The following ZZEF1 variants were observed in gnomAD, a reference collection of about 807,000 sequenced individuals.
ZZEF1 encodes zinc finger ZZ-type and EF-hand domain-containing protein 1.
ZZEF1 carries 157 observed loss-of-function variants against 342.8 expected under a neutral mutation model. The ratio of observed to expected loss-of-function variants is 0.46; its 90% CI spans 0.40 to 0.52. The LOEUF (loss-of-function observed/expected upper bound fraction) is 0.52, where lower values mean the gene tolerates loss of function less well. ZZEF1 is among the 20% of genes least tolerant of loss of function. ZZEF1 has a pLI of 0.00. For missense variants in ZZEF1, 3,480 were observed against 3,725.6 expected, an observed-to-expected ratio of 0.93 and a Z score of 1.72; for synonymous variants, 1,505 against 1,429.1, an observed-to-expected ratio of 1.05 and a Z score of -1.20.
rs1158584480 is a variant in ZZEF1, at chr17:4,013,509, C to T, written c.8519G>A (p.Gly2840Asp). ...WLVGVACRQT[G>D]HQRLKAIHLL... ...GTGGATGGCTTTTAATCGTTGATGG[C>T]CAGTCTGGCGACAGGCCACGCCCAC... The change falls in exon 52 of 55, where the codon GGC (glycine) becomes GAC (aspartate). Residue 2840 changes from glycine (G) to aspartate (D), a missense_variant. Physicochemically the swap from Gly to Asp is moderately conservative, Grantham distance 94. Transcript: ENST00000381638. The T allele has an allele frequency of 6.2e-7, 1 of 1,613,844 alleles. No individual in the cohort carries two copies. Among genetic ancestry groups the T allele is most frequent in the Non-Finnish European group, 8.5e-7 (1 of 1,179,908 alleles).
Position 4,105,827 on chromosome 17 carries a change from AAAATGT to A in ZZEF1, c.1278-24_1278-19del. 1 of 1,586,364 alleles carries A rather than the reference AAAATGT, an allele frequency of 6.3e-7. No individual in the cohort carries two copies. Among genetic ancestry groups the A allele is most frequent in the Non-Finnish European group, 8.6e-7 (1 of 1,168,742 alleles). The stretch of plus-strand genomic sequence containing the variant: ...GCGCCTTCCTAGAAGAGGAAAATGT[AAAATGT>A]AATCAGAACAAAACCAGACCGAATT... On this transcript the variant is annotated intron_variant, in intron 6 of 54. Transcript: ENST00000381638.
chr17:4,059,424 C>T (rs2057238064), intron 30 of ZZEF1, 134 bp from the exon 31 acceptor site: 1 of 1,073,890 alleles, frequency 9.3e-7, no homozygotes, highest in Non-Finnish European at 1.3e-6. Context: ...TAAGTAAATA[C>T]AAATATAATA....
At position 4,013,566 on chromosome 17, in the gene ZZEF1, T is replaced by G; in HGVS notation, c.8462A>C (p.His2821Pro). The change falls in exon 52 of 55, where the codon CAT becomes CCT. Residue 2821 changes from histidine to proline, a missense_variant. This residue lies in a region of ZZEF1 where 1,269 missense variants were observed against 1,342.4 expected (regional missense o/e 0.95). Coordinates refer to ENST00000381638, the MANE Select transcript of ZZEF1 (RefSeq NM_015113.4). ...TTCCCAAATTTTTGCCAATGGGAGA[T>G]GAGGCACGACCCTTTCTTCTGACAA... ...QMLSEERVVP[H>P]LPLAKIWEWL... 6.2e-7 allele frequency: 1 copy of G among 1,614,140 alleles called. No homozygotes were observed. Among genetic ancestry groups the G allele is most frequent in the Non-Finnish European group, 8.5e-7 (1 of 1,180,004 alleles).
At chr17:4,095,699 G>T in intron 11 of ZZEF1, 132 bp downstream of exon 11, 1 of 912,024 alleles carries the variant, frequency 1.1e-6, no homozygotes, top group Non-Finnish European at 1.6e-6. Context: ...TGGCCACTGA[G>T]ATGGATTAGT....
intron 18 of ZZEF1, 110 bp downstream of exon 18, chr17:4,081,266 A>T (rs1407577906): frequency 2.8e-5 from 26 of 912,770 alleles, no homozygotes; most frequent in Middle Eastern, 3.5e-4. Context: ...AAAAAACCAC[A>T]ACAAAGTACA....
At position 4,114,322 on chromosome 17, in the gene ZZEF1, G is replaced by A. The variant is rs147981546; in HGVS notation, c.843C>T (p.Gly281=). The A allele has an allele frequency of 5.6e-6, 9 of 1,606,160 alleles. No homozygotes were observed. The highest frequency in any genetic ancestry group is 7.6e-6 in the Non-Finnish European group (9 of 1,176,892). The change falls in exon 4 of 55, where the codon GGC becomes GGT. Residue 281 remains glycine, a synonymous_variant. Coordinates refer to ENST00000381638, the MANE Select transcript of ZZEF1 (RefSeq NM_015113.4). ...ACCGAATCCAGTGTGAACAGGCACT[G>A]CCATCTGACTGCCAGTAGGATGAGG... is the stretch of plus-strand genomic sequence containing the variant. ...GETSSYWQSD[G]SACSHWIRLK... is the part of the protein sequence containing the mutation.
In ZZEF1 at chr17:4,090,792, G is replaced by A; in HGVS notation, c.1952C>T (p.Pro651Leu). The A allele has an allele frequency of 6.2e-7, 1 of 1,614,086 alleles. No homozygotes were observed. Among genetic ancestry groups the A allele is most frequent in the Non-Finnish European group, 8.5e-7 (1 of 1,180,014 alleles). The change falls in exon 12 of 55, where the codon CCT (proline) becomes CTT (leucine). Residue 651 changes from proline to leucine, a missense_variant. Physicochemically the swap from Pro to Leu is moderately conservative, Grantham distance 98 (BLOSUM62 -3). This residue lies in a region of ZZEF1 where 1,528 missense variants were observed against 1,624.1 expected (regional missense o/e 0.94). Transcript: ENST00000381638. ...TTCTTCCAGTTCAAACCAGCCAATA[G>A]GATCATCCTCTCCAAGGTCATCAGA... ...CSSDDLGEDD[P>L]IGWFELEEEW...
chr17:4,109,405 T>C (rs548424712), intron 6 of ZZEF1, among the ~76,000 whole-genome samples: 1 of 152,266 alleles, frequency 6.6e-6, no homozygotes, highest in East Asian at 1.9e-4. Flanking sequence ...AAGAACACTG[T>C]AGGAACTGTG....
chr17:4,130,889 G>A (rs968880805), intron 1 of ZZEF1, among the ~76,000 whole-genome samples: 3 of 152,088 alleles, frequency 2.0e-5, no homozygotes, highest in Non-Finnish European at 2.9e-5. Flanking sequence ...CTACTTCCAG[G>A]GAGAAGAAAC....
intron 24 of ZZEF1, among the ~76,000 whole-genome samples, chr17:4,073,458 GTC>G (rs780620370): frequency 1.3e-5 from 2 of 152,176 alleles, no homozygotes; most frequent in Non-Finnish European, 2.9e-5. Context: ...AGAGACAAGA[GTC>G]TCTCTCTGTT....
At chr17:4,089,595 C>T (rs2057906977) in intron 12 of ZZEF1, among the ~76,000 whole-genome samples, 1 of 142,390 alleles carries the variant, frequency 7.0e-6, no homozygotes, top group African/African-American at 2.6e-5. Flanking sequence ...TCACTATTCT[C>T]TCAGCCTGAG....
intron 24 of ZZEF1, among the ~76,000 whole-genome samples, 189 bp downstream of exon 24, chr17:4,073,961 A>G (rs546074077): frequency 2.2e-4 from 33 of 152,276 alleles, no homozygotes; most frequent in Admixed American, 5.2e-4. Context: ...GCTATGTTCC[A>G]AAGTCTAAGG....
In ZZEF1 at chr17:4,058,153, G is replaced by C; in HGVS notation, c.5006C>G (p.Ser1669Cys). The change falls in exon 32 of 55, where the codon TCC becomes TGC. Residue 1669 changes from serine (S) to cysteine (C), a missense_variant and splice_region_variant. Ser to Cys is a moderately radical substitution (Grantham distance 112). Around this residue, in one of 5 missense-constraint regions of ZZEF1, gnomAD observed 1,528 missense variants for 1,624.1 expected, o/e 0.94. Coordinates refer to ENST00000381638, the MANE Select transcript of ZZEF1 (RefSeq NM_015113.4). ...VKGFSSLNDR[S>C]LLPALSCVQT... is the part of the protein sequence containing the mutation. ...AACACAGGATAAGGCAGGGAGCAAG[G>C]ACCTAAAGGGCCATGAAAGTGACCA... 1 of 1,611,846 alleles carries C rather than the reference G, an allele frequency of 6.2e-7. No individual in the cohort carries two copies. Among genetic ancestry groups the C allele is most frequent in the Non-Finnish European group, 8.5e-7 (1 of 1,178,882 alleles).
chr17:4,088,734 CACAG>C lies in ZZEF1; in HGVS notation c.2181_2184del (p.Cys728GlyfsTer27). The C allele has an allele frequency of 6.2e-7, 1 of 1,614,214 alleles. No homozygotes were observed. The highest frequency in any genetic ancestry group is 8.5e-7 in the Non-Finnish European group (1 of 1,180,036). ...AGGGTCCTGAGGAGCAACGTGGCCC[CACAG>C]ACACTCTCCTCTGTGTCCTTTCTGC... On this transcript the variant is annotated frameshift_variant, in exon 13 of 55. Transcript: ENST00000381638. LOFTEE classifies it high-confidence loss of function.
rs1201251457 is a variant in ZZEF1, at chr17:4,111,748, T to A, written c.1066+861A>T. Among the ~76,000 whole-genome samples the A allele has an allele frequency of 6.9e-5, 9 of 129,648 alleles. No individual in the cohort carries two copies. The South Asian group carries it at 1.2e-3, about 17-fold the overall frequency. 85.1% of individuals were successfully genotyped at this position (129,648 alleles called of 152,430 possible). On this transcript the variant is annotated intron_variant, in intron 5 of 54. Coordinates refer to ENST00000381638, the MANE Select transcript of ZZEF1 (RefSeq NM_015113.4). ...GTATAAACATATATAAAAACATATT[T>A]TATATATATGTTTATATATATATAT...
At chr17:4,065,757 T>C (rs1303050102) in intron 28 of ZZEF1, among the ~76,000 whole-genome samples, 1 of 152,176 alleles carries the variant, frequency 6.6e-6, no homozygotes, top group Admixed American at 6.5e-5. Context: ...TATATGAGTT[T>C]TAAAAAATAA....
Position 4,109,645 on chromosome 17 carries a change from T to C in ZZEF1, c.1277+8A>G. On this transcript the variant is annotated splice_region_variant and intron_variant, in intron 6 of 54. Coordinates refer to ENST00000381638, the MANE Select transcript of ZZEF1 (RefSeq NM_015113.4). ...TGAGGGGGCTGGAACATAGAGAGAA[T>C]GACTTACTGAGTATTGTGCAGCACT... 6.2e-7 allele frequency: 1 copy of C among 1,613,930 alleles called. No homozygotes were observed.
At chr17:4,042,036 T>C (rs1249084040) in intron 39 of ZZEF1, among the ~76,000 whole-genome samples, 1 of 152,144 alleles carries the variant, frequency 6.6e-6, no homozygotes, top group African/African-American at 2.4e-5. Context: ...GAGAGAAGTA[T>C]TGAGGGTGAA....
chr17:4,142,757 C>T lies in ZZEF1; in HGVS notation c.139G>A (p.Ala47Thr), dbSNP rs1471815557. ...CTGGCCGGCTCCAGCAGCGCCGCGG[C>T]GGGTGGTAGCGCTGGAGCCGCGACG... Reference protein sequence around the residue: ...PGVAAPALPPAAALLEPARLR... With the variant: ...PGVAAPALPPTAALLEPARLR... Residue 47 changes from alanine to threonine, a missense_variant, in exon 1 of 55, where the codon GCC becomes ACC. By Grantham distance (58) the Ala-to-Thr change is moderately conservative (BLOSUM62 0). Coordinates refer to ENST00000381638, the MANE Select transcript of ZZEF1 (RefSeq NM_015113.4). 7 of 1,467,704 alleles carry T rather than the reference C, an allele frequency of 4.8e-6. No homozygotes were observed. The highest frequency in any genetic ancestry group is 2.6e-5 in the South Asian group (2 of 75,638). 90.9% of individuals were successfully genotyped at this position (1,467,704 alleles called of 1,614,324 possible). A position where few individuals can be genotyped will look rare whatever the true frequency, so the allele number is the denominator to read the frequency against.
Sources: allele counts gnomAD v4.1 joint callset (sites outside exome capture counted in the v4.1 genomes callset), GRCh38; gene constraint gnomAD v4.1.1; regional missense constraint gnomAD v4.1.1; transcripts MANE v1.5; gene names NCBI Gene and HGNC (gene_info 2026-07-23, HGNC 2026-07-21).